Variants in KIAA0319 observed in about 807,000 individuals in gnomAD.
The protein encoded by KIAA0319 is dyslexia-associated protein KIAA0319.
In KIAA0319, 83 loss-of-function variants were observed where a neutral mutation model predicts 108.4. That is an observed-to-expected ratio of 0.77 (90% CI 0.64 to 0.92). The LOEUF (loss-of-function observed/expected upper bound fraction) is 0.92. KIAA0319 is among the 40% of genes least tolerant of loss of function. The pLI, the probability that KIAA0319 is intolerant of heterozygous loss-of-function variation, is 0.00. For missense variants in KIAA0319, 1,195 were observed against 1,322.4 expected, an observed-to-expected ratio of 0.90 and a Z score of 1.49; for synonymous variants, 484 against 510.4, an observed-to-expected ratio of 0.95 and a Z score of 0.70.
chr6:24,587,881 C>A (rs549867410), intron 4 of KIAA0319, among the ~76,000 whole-genome samples: 2 of 152,254 alleles, frequency 1.3e-5, no homozygotes, highest in Non-Finnish European at 2.9e-5. Flanking sequence ...AGCCACCGGG[C>A]TCATCCCACA....
At chr6:24,559,847 T>C (rs1381479600) in intron 16 of KIAA0319, among the ~76,000 whole-genome samples, 2 of 152,072 alleles carry the variant, frequency 1.3e-5, no homozygotes, top group South Asian at 2.1e-4. Context: ...AGAAAGACAA[T>C]CCACACTCAT....
downstream of KIAA0319, among the ~76,000 whole-genome samples, chr6:24,542,889 A>G (rs1413030099): frequency 6.6e-6 from 1 of 152,226 alleles, no homozygotes; most frequent in African/African-American, 2.4e-5. Flanking sequence ...TCAACCAACC[A>G]GGCGTCATCT....
chr6:24,596,294 G>A lies in KIAA0319; in HGVS notation c.380C>T (p.Ser127Leu), dbSNP rs762607005. The stretch of plus-strand genomic sequence containing the variant: ...CTCAGGTGAGTCCCCCCAGATCCCC[G>A]AGGGGGAGCCCCTGTTCAGCATCAT... ...GDMMLNRGSP[S>L]GIWGDSPEDI... The change falls in exon 3 of 21, where the codon TCG becomes TTG. Residue 127 changes from serine (S) to leucine (L), a missense_variant. By Grantham distance (145) the Ser-to-Leu change is moderately radical. Transcript: ENST00000378214. 127 of 1,613,982 alleles carry A rather than the reference G, an allele frequency of 7.9e-5. 1 individual carries two copies. In the Admixed American group the frequency reaches 8.8e-4, roughly 11 times the overall value.
chr6:24,608,101 T>C (rs1046458804), intron 1 of KIAA0319, among the ~76,000 whole-genome samples: 3 of 151,988 alleles, frequency 2.0e-5, no homozygotes, highest in Admixed American at 6.6e-5. Flanking sequence ...GAAAACATAA[T>C]AGAGGACTAT....
chr6:24,574,279 C>A (rs944849890), intron 10 of KIAA0319, among the ~76,000 whole-genome samples: 28 of 151,742 alleles, frequency 1.8e-4, no homozygotes, highest in Non-Finnish European at 2.2e-4. Flanking sequence ...ACAAAAAAAA[C>A]CACAAAAATT....
At chr6:24,598,740 G>C in intron 2 of KIAA0319, 1 of 275,230 alleles carries the variant, frequency 3.6e-6, no homozygotes, top group Non-Finnish European at 7.2e-6. Context: ...ACTGAGCATA[G>C]TGGTGGGTGC....
intron 1 of KIAA0319, among the ~76,000 whole-genome samples, chr6:24,644,358 T>C (rs904217498): frequency 1.3e-5 from 2 of 152,238 alleles, no homozygotes; most frequent in African/African-American, 2.4e-5. Flanking sequence ...ACTGTATGTA[T>C]AGATCCCATT....
chr6:24,579,536 C>CAT (rs1434008254), intron 8 of KIAA0319, among the ~76,000 whole-genome samples: 22 of 140,792 alleles, frequency 1.6e-4, no homozygotes, highest in Non-Finnish European at 2.0e-4. Flanking sequence ...TATATATATA[C>CAT]ATATATATAT....
In KIAA0319 at chr6:24,599,675, C is replaced by A; in HGVS notation, c.55+1374G>T. 1 of 609,898 alleles carries A rather than the reference C, an allele frequency of 1.6e-6. No homozygotes were observed. Among genetic ancestry groups the A allele is most frequent in the Non-Finnish European group, 3.0e-6 (1 of 329,180 alleles). The allele number at this position is 609,898 out of a possible 1,614,324, so 37.8% of individuals were successfully genotyped here. A position where few individuals can be genotyped will look rare whatever the true frequency, so the allele number is the denominator to read the frequency against. On this transcript the variant is annotated intron_variant, in intron 2 of 20. Coordinates refer to ENST00000378214, the MANE Select transcript of KIAA0319 (RefSeq NM_014809.4). This position sits in a 1 kb window ranked among gnomAD's most constrained non-coding sequence, Gnocchi z 4.1. ...GCCTGGGCTCCAGCTTTGGCTCTGG[C>A]GGGTGCTCCAGCTCCTTCAGCAGCA...
chr6:24,636,444 G>A (rs1440491891), intron 1 of KIAA0319, among the ~76,000 whole-genome samples: 4 of 152,220 alleles, frequency 2.6e-5, no homozygotes, highest in Non-Finnish European at 5.9e-5. Context: ...GTACTAGCTT[G>A]TTATAACTTG....
intron 20 of KIAA0319, among the ~76,000 whole-genome samples, chr6:24,549,326 C>CAAAAAAA (rs35975247): frequency 5.2e-5 from 6 of 115,614 alleles, no homozygotes; most frequent in Non-Finnish European, 1.0e-4. Flanking sequence ...ACTCTGTCTC[C>CAAAAAAA]AAAAAAAAAA....
chr6:24,581,067 C>T, intron 6 of KIAA0319, 54 bp from the exon 7 acceptor site: 2 of 1,155,954 alleles, frequency 1.7e-6, no homozygotes, highest in Non-Finnish European at 2.6e-6. Context: ...GATGGGTCCA[C>T]TACGTAGAAA....
chr6:24,599,917 G>A lies in KIAA0319; in HGVS notation c.55+1132C>T, dbSNP rs12190270. On this transcript the variant is annotated intron_variant, in intron 2 of 20. Transcript: ENST00000378214. This position sits in a 1 kb window ranked among gnomAD's most constrained non-coding sequence, Gnocchi z 4.1. ...TGAGGCTCAGCGCTCGCCCTCAGCCGACCCGCGGGAGAGTTCACTGCCTGG... is the reference window on the plus strand; with the variant it reads ...TGAGGCTCAGCGCTCGCCCTCAGCCAACCCGCGGGAGAGTTCACTGCCTGG... 0.18 allele frequency: 49,219 copies of A among 274,264 alleles called. 4,878 individuals carry two copies. Among genetic ancestry groups the A allele is most frequent in the East Asian group, 0.24 (2,130 of 9,006 alleles). 17.0% of individuals were successfully genotyped at this position (274,264 alleles called of 1,614,324 possible).
In KIAA0319 at chr6:24,589,379, A is replaced by G. The variant is rs193249677; in HGVS notation, c.802-594T>C. On this transcript the variant is annotated intron_variant, in intron 3 of 20. Coordinates refer to ENST00000378214, the MANE Select transcript of KIAA0319 (RefSeq NM_014809.4). ...CCTCCAAACTTCAGTTCTGTGAGAT[A>G]TAAATGTCTGTTGTTTAAGCCACCC... 2.6e-5 allele frequency among the ~76,000 whole-genome samples: 4 copies of G among 152,340 alleles called. No homozygotes were observed. In the East Asian group the frequency reaches 7.7e-4, roughly 29 times the overall value.
chr6:24,588,292 G>A (rs957600642), intron 4 of KIAA0319, among the ~76,000 whole-genome samples: 2 of 152,138 alleles, frequency 1.3e-5, no homozygotes, highest in African/African-American at 4.8e-5. Flanking sequence ...AGGCATCCCT[G>A]GACCCTGTTA....
At chr6:24,584,129 A>G (rs535414438) in intron 4 of KIAA0319, among the ~76,000 whole-genome samples, 15 of 152,274 alleles carry the variant, frequency 9.9e-5, no homozygotes, top group African/African-American at 3.6e-4. Context: ...CACTCCACTC[A>G]GTTCTGATAG....
At chr6:24,617,861 C>A (rs560321718) in intron 1 of KIAA0319, among the ~76,000 whole-genome samples, 1 of 152,192 alleles carries the variant, frequency 6.6e-6, no homozygotes, top group Admixed American at 6.5e-5. Flanking sequence ...GTGGCGCACA[C>A]CTATAATCTC....
chr6:24,567,038 A>T (rs2127452188), intron 13 of KIAA0319, among the ~76,000 whole-genome samples: 2 of 152,340 alleles, frequency 1.3e-5, no homozygotes, highest in South Asian at 4.1e-4. Context: ...CTTGAAAAAT[A>T]GAAACAATGA....
Position 24,599,423 on chromosome 6 carries a change from G to T in KIAA0319, c.55+1626C>A. 1.8e-6 allele frequency: 1 copy of T among 550,968 alleles called. No homozygotes were observed. Among genetic ancestry groups the T allele is most frequent in the African/African-American group, 1.9e-5 (1 of 53,442 alleles). The allele number at this position is 550,968 out of a possible 1,614,324, so 34.1% of individuals were successfully genotyped here. A position where few individuals can be genotyped will look rare whatever the true frequency, so the allele number is the denominator to read the frequency against. ...CCAATGCCAAGCTGTCCAAGCTGGAGGCCACCCTGCAGTGGGCCATGCAGG... is the reference window on the plus strand; with the variant it reads ...CCAATGCCAAGCTGTCCAAGCTGGATGCCACCCTGCAGTGGGCCATGCAGG... On this transcript the variant is annotated intron_variant, in intron 2 of 20. Coordinates refer to ENST00000378214, the MANE Select transcript of KIAA0319 (RefSeq NM_014809.4). The surrounding 1 kb of genome is among the most constrained non-coding windows in gnomAD (Gnocchi z 4.1).
Sources: allele counts gnomAD v4.1 joint callset (sites outside exome capture counted in the v4.1 genomes callset), GRCh38; gene constraint gnomAD v4.1.1; non-coding constraint Gnocchi (gnomAD v3.1); transcripts MANE v1.5; gene names NCBI Gene and HGNC (gene_info 2026-07-23, HGNC 2026-07-21).